Variants in BRWD1 observed in about 807,000 individuals in gnomAD.
BRWD1 encodes the protein bromodomain and WD repeat-containing protein 1.
Under a neutral mutation model 251.2 loss-of-function variants are expected in BRWD1, and 82 were observed. The observed-to-expected ratio is 0.33, with a 90% confidence interval of 0.27 to 0.39. The LOEUF is 0.39. Ranked by LOEUF, BRWD1 falls within the 10% of genes least tolerant of loss-of-function variation. The pLI, the probability that BRWD1 is intolerant of heterozygous loss-of-function variation, is 1.00. For missense variants in BRWD1, 2,233 were observed against 2,711.6 expected, an observed-to-expected ratio of 0.82 and a Z score of 3.92; for synonymous variants, 918 against 902.8, an observed-to-expected ratio of 1.02 and a Z score of -0.30.
Position 39,236,779 on chromosome 21 carries a change from G to C in BRWD1, c.2582C>G (p.Ser861Cys). 1 of 1,612,582 alleles carries C rather than the reference G, an allele frequency of 6.2e-7. No homozygotes were observed. Among genetic ancestry groups the C allele is most frequent in the Non-Finnish European group, 8.5e-7 (1 of 1,179,496 alleles). The change falls in exon 23 of 41, where the codon TCT (serine) becomes TGT (cysteine). Residue 861 changes from serine (S) to cysteine (C), a missense_variant. Coordinates refer to ENST00000342449, the MANE Select transcript of BRWD1 (RefSeq NM_033656.4). ...SESYSESSSD[S>C]SSRYSDWTAD... ...TGTCCAATCGGAATATCTAGATGAA[G>C]AGTCACTAGAAAAGGGGAGTGCTTT...
intron 13 of BRWD1, among the ~76,000 whole-genome samples, chr21:39,273,732 C>T (rs187802617): frequency 6.6e-6 from 1 of 151,944 alleles, no homozygotes. Context: ...CCAGCCTGGG[C>T]GATGGAGTGA....
At position 39,215,239 on chromosome 21, in the gene BRWD1, G is replaced by C. The variant is rs1426606364; in HGVS notation, c.3783C>G (p.Ile1261Met). The change falls in exon 32 of 41, where the codon ATC becomes ATG. Residue 1261 changes from isoleucine (I) to methionine (M), a missense_variant and splice_region_variant. Coordinates refer to ENST00000342449, the MANE Select transcript of BRWD1 (RefSeq NM_033656.4). The part of the protein sequence containing the change: ...KKITDQLLKF[I>M]KNQHCTNISE... ...ACAACATCTATGAAATTACTTACTT[G>C]ATAAATTTTAAAAGTTGGTCAGTTA... 2 of 1,610,182 alleles carry C rather than the reference G, an allele frequency of 1.2e-6. No individual in the cohort carries two copies. The highest frequency in any genetic ancestry group is 2.2e-5 in the East Asian group (1 of 44,798).
At chr21:39,255,377 A>G (rs1433355320) in intron 19 of BRWD1, among the ~76,000 whole-genome samples, 1 of 151,634 alleles carries the variant, frequency 6.6e-6, no homozygotes, top group Non-Finnish European at 1.5e-5. Flanking sequence ...ATGCCACCGC[A>G]CTCCAGCCTG....
chr21:39,289,236 AT>A (rs1490194838), intron 8 of BRWD1, among the ~76,000 whole-genome samples: 1 of 152,168 alleles, frequency 6.6e-6, no homozygotes, highest in African/African-American at 2.4e-5. Flanking sequence ...ATCTCTTGCT[AT>A]ACTTTTGGCT....
chr21:39,310,946 CAT>C (rs777425169), intron 4 of BRWD1, among the ~76,000 whole-genome samples: 2 of 152,074 alleles, frequency 1.3e-5, no homozygotes. Context: ...ATTCTCTACA[CAT>C]GAGGCTCATC....
chr21:39,267,456 G>A (rs1028524322), intron 15 of BRWD1, among the ~76,000 whole-genome samples: 7 of 152,064 alleles, frequency 4.6e-5, no homozygotes, highest in Non-Finnish European at 1.0e-4. Context: ...AAAATTAGCC[G>A]GGCGTGGTGG....
At chr21:39,277,641 G>A (rs1310023207) in intron 10 of BRWD1, among the ~76,000 whole-genome samples, 1 of 151,838 alleles carries the variant, frequency 6.6e-6, no homozygotes, top group Non-Finnish European at 1.5e-5. Context: ...TCGGCTCACT[G>A]CAACTTCTAC....
At chr21:39,312,745 T>C (rs1328059731) in intron 4 of BRWD1, 96 bp downstream of exon 4, 5 of 971,344 alleles carry the variant, frequency 5.1e-6, no homozygotes, top group Non-Finnish European at 7.6e-6. Flanking sequence ...CGGGTCACAC[T>C]TTGCACCCCA....
chr21:39,236,566 T>C (rs1422624326), intron 23 of BRWD1, 29 bp downstream of exon 23: 7 of 1,508,562 alleles, frequency 4.6e-6, no homozygotes, highest in African/African-American at 2.8e-5. Flanking sequence ...TCATGATACA[T>C]GCTATTTTTA....
At chr21:39,274,333 G>T in intron 13 of BRWD1, 41 bp downstream of exon 13, 6 of 1,433,866 alleles carry the variant, frequency 4.2e-6, no homozygotes, top group South Asian at 2.3e-5. Context: ...GAGACAGATC[G>T]AACACCTATG....
chr21:39,274,439 C>T lies in BRWD1; in HGVS notation c.1179G>A (p.Arg393=). The T allele has an allele frequency of 6.2e-7, 1 of 1,613,996 alleles. No individual in the cohort carries two copies. Among genetic ancestry groups the T allele is most frequent in the Non-Finnish European group, 8.5e-7 (1 of 1,179,958 alleles). Residue 393 remains arginine, a synonymous_variant, in exon 13 of 41, where the codon CGG becomes CGA. Coordinates refer to ENST00000342449, the MANE Select transcript of BRWD1 (RefSeq NM_033656.4). The part of the protein sequence containing the change: ...FLSGSRDGTA[R]IWRFEQLEWR... ...ATTCTAACTGCTCAAATCTCCAAAT[C>T]CGTGCTGTTCCATCTCTGCTACCAC...
chr21:39,238,562 A>G lies in BRWD1; in HGVS notation c.2493T>C (p.Cys831=). The change falls in exon 22 of 41, where the codon TGT becomes TGC. Residue 831 remains cysteine (C), a synonymous_variant. Coordinates refer to ENST00000342449, the MANE Select transcript of BRWD1 (RefSeq NM_033656.4). ...SSSSVRHETS[C]DQSEGSGSSE... ...AAGAACCAGAACCTTCACTCTGATCACAGGAAGTCTCCTAATTTGTGAAGG... is the reference window on the plus strand; with the variant it reads ...AAGAACCAGAACCTTCACTCTGATCGCAGGAAGTCTCCTAATTTGTGAAGG... The G allele has an allele frequency of 6.2e-7, 1 of 1,612,990 alleles. No homozygotes were observed. Among genetic ancestry groups the G allele is most frequent in the Non-Finnish European group, 8.5e-7 (1 of 1,179,266 alleles).
chr21:39,285,639 T>C (rs965343385), intron 8 of BRWD1, among the ~76,000 whole-genome samples: 1 of 152,084 alleles, frequency 6.6e-6, no homozygotes, highest in Non-Finnish European at 1.5e-5. Context: ...AAAAAGAATG[T>C]AGGCTAGGTG....
At position 39,258,576 on chromosome 21, in the gene BRWD1, T is replaced by A; in HGVS notation, c.1982A>T (p.Gln661Leu). 1 of 1,613,698 alleles carries A rather than the reference T, an allele frequency of 6.2e-7. No homozygotes were observed. The highest frequency in any genetic ancestry group is 8.5e-7 in the Non-Finnish European group (1 of 1,179,728). Reference protein sequence around the residue: ...ESSILDGMIRQLQQQQDQRMG... With the variant: ...ESSILDGMIRLLQQQQDQRMG... The stretch of plus-strand genomic sequence containing the variant: ...TCTCTGATCTTGCTGCTGCTGCAAC[T>A]GTCTTATCATTCCATCAAGAATACT... Residue 661 changes from glutamine to leucine, a missense_variant, in exon 18 of 41, where the codon CAG (glutamine) becomes CTG (leucine). Physicochemically the swap from Gln to Leu is moderately radical, Grantham distance 113. Transcript: ENST00000342449.
chr21:39,273,534 A>G (rs2035184532), intron 13 of BRWD1, among the ~76,000 whole-genome samples: 2 of 152,204 alleles, frequency 1.3e-5, no homozygotes, highest in African/African-American at 4.8e-5. Flanking sequence ...CTTGAGCCCA[A>G]GAGTTCAAGA....
Position 39,189,801 on chromosome 21 carries a change from G to T in BRWD1, c.*6458C>A, listed in dbSNP as rs1275671519. The T allele has an allele frequency of 1.0e-6, 1 of 985,104 alleles. No individual in the cohort carries two copies. 61.0% of individuals were successfully genotyped at this position (985,104 alleles called of 1,614,324 possible). On this transcript the variant is annotated 3_prime_UTR_variant, in exon 41 of 41. Coordinates refer to ENST00000342449, the MANE Select transcript of BRWD1 (RefSeq NM_033656.4). ...AGAAATATATATAGGATATTTCAGGGTTAGAAGTCAAATTTGTGTGTTAGG... is the reference window on the plus strand; with the variant it reads ...AGAAATATATATAGGATATTTCAGGTTTAGAAGTCAAATTTGTGTGTTAGG...
At chr21:39,197,566 T>TCA (rs545438439) in intron 40 of BRWD1, 151 bp from the exon 41 acceptor site, 7 of 639,314 alleles carry the variant, frequency 1.1e-5, no homozygotes, top group Non-Finnish European at 1.8e-5. Flanking sequence ...AGTCATATGT[T>TCA]GCTCAACAGC....
chr21:39,257,605 G>C (rs1042456071), intron 18 of BRWD1, among the ~76,000 whole-genome samples: 1 of 152,014 alleles, frequency 6.6e-6, no homozygotes, highest in Non-Finnish European at 1.5e-5. Context: ...AACTGGGGAA[G>C]AGTAAGTAAG....
intron 8 of BRWD1, among the ~76,000 whole-genome samples, chr21:39,289,172 ACTTT>A (rs918750469): frequency 2.6e-5 from 4 of 151,992 alleles, no homozygotes; most frequent in Admixed American, 6.6e-5. Context: ...TTCTTGTTTT[ACTTT>A]CTTTATTAGT....
Sources: gnomAD v4.1 joint callset for allele counts (sites outside exome capture counted in the v4.1 genomes callset) on GRCh38, gnomAD v4.1.1 for gene constraint, MANE v1.5 for transcripts, NCBI Gene and HGNC (gene_info 2026-07-23, HGNC 2026-07-21) for gene names.